SHANK2: variants seen among roughly 807,000 people sequenced by gnomAD.
SHANK2 encodes SH3 and multiple ankyrin repeat domains 2, also known as SH3 and multiple ankyrin repeat domains protein 2.
SHANK2 carries 43 observed loss-of-function variants against 133.7 expected under a neutral mutation model. The ratio of observed to expected loss-of-function variants is 0.32; its 90% confidence interval spans 0.25 to 0.41. The LOEUF (loss-of-function observed/expected upper bound fraction) is 0.41. SHANK2 is among the 10% of genes least tolerant of loss of function. The pLI is 1.00. For missense variants in SHANK2, 1,994 were observed against 2,235.8 expected (o/e 0.89, Z 2.18); for synonymous variants, 1,017 against 952.8 (o/e 1.07, Z -1.24).
intron 15 of SHANK2, among the ~76,000 whole-genome samples, chr11:70,693,140 C>T (rs1334719505): frequency 6.6e-6 from 1 of 152,188 alleles, no homozygotes; most frequent in Non-Finnish European, 1.5e-5. Flanking sequence ...CCACCAGCCC[C>T]AACCACCATT....
chr11:71,080,315 C>T (rs1047602966), intron 8 of SHANK2, among the ~76,000 whole-genome samples: 23 of 152,170 alleles, frequency 1.5e-4, no homozygotes, highest in Non-Finnish European at 3.1e-4. Context: ...CTGTTTGCCC[C>T]AGCGATGCCT....
chr11:70,485,952 C>A lies in SHANK2; in HGVS notation c.4341G>T (p.Gln1447His). 6.2e-7 allele frequency: 1 copy of A among 1,614,144 alleles called. No individual in the cohort carries two copies. The highest frequency in any genetic ancestry group is 1.1e-5 in the South Asian group (1 of 91,078). ...LVKQKKSDTPQSPSLNSSQPT... is the reference protein window; with the variant it reads ...LVKQKKSDTPHSPSLNSSQPT... ...GTTGGCTGGAGTTCAACGAAGGGGA[C>A]TGAGGGGTGTCGCTTTTCTTCTGCT... Residue 1447 changes from glutamine to histidine, a missense_variant, in exon 25 of 26, where the codon CAG (glutamine) becomes CAT (histidine). Physicochemically the swap from Gln to His is conservative, Grantham distance 24. Coordinates refer to ENST00000601538, the MANE Select transcript of SHANK2 (RefSeq NM_012309.5). The surrounding 1 kb of genome is among the most constrained non-coding windows in gnomAD (Gnocchi z 5.8).
At chr11:70,510,390 C>A (rs956300977) in intron 17 of SHANK2, among the ~76,000 whole-genome samples, 4 of 152,220 alleles carry the variant, frequency 2.6e-5, no homozygotes, top group African/African-American at 9.6e-5. Flanking sequence ...GAGGCCACAG[C>A]CCTCCCGCGC....
chr11:70,738,062 C>T lies in SHANK2; in HGVS notation c.1778-39299G>A, dbSNP rs1946443676. The stretch of plus-strand genomic sequence containing the variant: ...GCTGGCTGCACGGTGACAAAGCCCG[C>T]AAGACGGTGGCAAGAGCTCCCTTGC... On this transcript the variant is annotated intron_variant, in intron 14 of 25. Transcript: ENST00000601538. Among the ~76,000 whole-genome samples, 3 of 152,372 alleles carry T rather than the reference C, an allele frequency of 2.0e-5. No individual in the cohort carries two copies. The South Asian group carries it at 6.2e-4, about 32-fold the overall frequency.
intron 6 of SHANK2, among the ~76,000 whole-genome samples, chr11:71,100,122 C>G: frequency 6.6e-6 from 1 of 151,592 alleles, no homozygotes; most frequent in East Asian, 1.9e-4. Flanking sequence ...ACACCAAATG[C>G]TGGGGAGGAT....
chr11:70,767,454 C>G (rs969921936), intron 14 of SHANK2, among the ~76,000 whole-genome samples: 2 of 152,124 alleles, frequency 1.3e-5, no homozygotes, highest in African/African-American at 4.8e-5. Flanking sequence ...TGGGAGCAAC[C>G]CAAGTGTCCC....
intron 1 of SHANK2, among the ~76,000 whole-genome samples, chr11:71,248,334 T>C (rs1954989945): frequency 6.6e-6 from 1 of 152,262 alleles, no homozygotes; most frequent in Admixed American, 6.5e-5. Context: ...TTTCACCTGC[T>C]GACCGCAGCG....
At chr11:70,949,360 G>A (rs575966026) in intron 10 of SHANK2, among the ~76,000 whole-genome samples, 207 of 152,242 alleles carry the variant, frequency 1.4e-3, no homozygotes, top group Non-Finnish European at 2.5e-3. Flanking sequence ...GCAGCTCCCC[G>A]GGGGCGCATC....
At chr11:70,593,519 G>A (rs1046249844) in intron 17 of SHANK2, among the ~76,000 whole-genome samples, 13 of 152,140 alleles carry the variant, frequency 8.5e-5, no homozygotes, top group Non-Finnish European at 4.4e-5. Context: ...TGGCTACCTC[G>A]CCTGCCTGCC....
intron 17 of SHANK2, among the ~76,000 whole-genome samples, chr11:70,551,743 A>G (rs959879048): frequency 8.5e-5 from 13 of 152,252 alleles, no homozygotes; most frequent in African/African-American, 3.1e-4. Context: ...ACTTAGCCTC[A>G]GCTGTGGGCC....
intron 17 of SHANK2, among the ~76,000 whole-genome samples, chr11:70,623,182 A>G (rs1554998549): frequency 6.6e-6 from 1 of 151,662 alleles, no homozygotes; most frequent in East Asian, 1.9e-4. Flanking sequence ...TCTCAATCAA[A>G]AAAAAAAAAA....
At chr11:70,912,139 G>C (rs1000736581) in intron 10 of SHANK2, among the ~76,000 whole-genome samples, 1 of 146,138 alleles carries the variant, frequency 6.8e-6, no homozygotes, top group East Asian at 2.0e-4. Flanking sequence ...AAAGAAAAGA[G>C]AAGAGAAGAG....
At chr11:70,541,178 C>T (rs886204098) in intron 17 of SHANK2, among the ~76,000 whole-genome samples, 11 of 152,174 alleles carry the variant, frequency 7.2e-5, no homozygotes, top group Admixed American at 5.9e-4. Flanking sequence ...TTCCCTCCTG[C>T]CTAAGATGGA....
At position 70,768,515 on chromosome 11, in the gene SHANK2, G is replaced by T. The variant is rs570850969; in HGVS notation, c.1777+29928C>A. Among the ~76,000 whole-genome samples the T allele has an allele frequency of 7.2e-5, 11 of 152,318 alleles. No homozygotes were observed. In the South Asian group the frequency reaches 2.1e-3, roughly 29 times the overall value. On this transcript the variant is annotated intron_variant, in intron 14 of 25. Transcript: ENST00000601538. The stretch of plus-strand genomic sequence containing the variant: ...GTGGCCTGGCCCTGTGGGGAAGCTT[G>T]TTGGCAGCAGAGAGAGCTGGGTGCC...
At chr11:70,936,893 C>A (rs1270467896) in intron 10 of SHANK2, among the ~76,000 whole-genome samples, 1 of 152,216 alleles carries the variant, frequency 6.6e-6, no homozygotes, top group Non-Finnish European at 1.5e-5. Context: ...GGTGATTCAG[C>A]CAGCACTGGG....
At chr11:71,198,195 C>T (rs772906661) in intron 2 of SHANK2, among the ~76,000 whole-genome samples, 4 of 152,164 alleles carry the variant, frequency 2.6e-5, no homozygotes, top group African/African-American at 4.8e-5. Context: ...GAGATCCTCT[C>T]GCCTCAGCAT....
Position 70,569,927 on chromosome 11 carries a change from G to C in SHANK2, c.2062-66996C>G, listed in dbSNP as rs1411682231. Among the ~76,000 whole-genome samples, 2 of 145,000 alleles carry C rather than the reference G, an allele frequency of 1.4e-5. No homozygotes were observed. The highest frequency in any genetic ancestry group is 2.5e-5 in the African/African-American group (1 of 40,658). ...AGACAGAGACACTCACCGAGACAGA[G>C]ACACAGAGACATAGAGAGAGAGAGA... On this transcript the variant is annotated intron_variant, in intron 17 of 25. Transcript: ENST00000601538. The surrounding 1 kb of genome is among the most constrained non-coding windows in gnomAD (Gnocchi z 5.1).
In SHANK2 at chr11:71,175,737, T is replaced by A. The variant is rs1953428367; in HGVS notation, c.-12-28399A>T. 6.6e-6 allele frequency among the ~76,000 whole-genome samples: 1 copy of A among 152,150 alleles called. No homozygotes were observed. Among genetic ancestry groups the A allele is most frequent in the South Asian group, 2.1e-4 (1 of 4,824 alleles). ...AAAAATAACATATATTTTCAAAGTA[T>A]AGGACAGGATGCACAGGAGAGAGGA... On this transcript the variant is annotated intron_variant, in intron 2 of 25. Coordinates refer to ENST00000601538, the MANE Select transcript of SHANK2 (RefSeq NM_012309.5). This position sits in a 1 kb window ranked among gnomAD's most constrained non-coding sequence, Gnocchi z 4.2.
At chr11:70,833,304 C>G (rs990170202) in intron 11 of SHANK2, among the ~76,000 whole-genome samples, 23 of 152,390 alleles carry the variant, frequency 1.5e-4, no homozygotes, top group African/African-American at 5.3e-4. Context: ...AGTTCCCAGG[C>G]CTGGCTCTCC....
Sources: gnomAD v4.1 joint callset for allele counts (sites outside exome capture counted in the v4.1 genomes callset) on GRCh38, gnomAD v4.1.1 for gene constraint, Gnocchi (gnomAD v3.1) non-coding constraint, MANE v1.5 for transcripts, NCBI Gene and HGNC (gene_info 2026-07-23, HGNC 2026-07-21) for gene names.